The following DPY19L3 variants were observed in gnomAD, a reference collection of about 807,000 sequenced individuals.
DPY19L3 encodes the protein protein C-mannosyl-transferase DPY19L3.
Under a neutral mutation model 92.3 loss-of-function variants are expected in DPY19L3, and 51 were observed. That is an observed-to-expected ratio of 0.55 (90% CI 0.44 to 0.70). DPY19L3 has a LOEUF of 0.70. Among genes scored for constraint, DPY19L3 ranks in the 30% least tolerant of loss-of-function variants. The pLI is 0.00. For synonymous variants in DPY19L3, 309 were observed against 315.2 expected, an observed-to-expected ratio of 0.98 and a Z score of 0.21; for missense variants, 706 against 855.9, an observed-to-expected ratio of 0.82 and a Z score of 2.18.
chr19:32,417,366 CTG>C (rs1968413340), intron 3 of DPY19L3, among the ~76,000 whole-genome samples: 2 of 152,236 alleles, frequency 1.3e-5, no homozygotes, highest in East Asian at 1.9e-4. Context: ...GTCGTCCAGA[CTG>C]GAGTGCAGTG....
At position 32,420,358 on chromosome 19, in the gene DPY19L3, T is replaced by C. The variant is rs546775480; in HGVS notation, c.237+8986T>C. Among the ~76,000 whole-genome samples the C allele has an allele frequency of 6.6e-5, 10 of 152,250 alleles. No homozygotes were observed. In the East Asian group the frequency reaches 9.6e-4, roughly 15 times the overall value. Reference sequence around the variant, plus strand: ...AACCAAAGGACATGACTTCCGGAGCTTGCCTTCAAGGATACGATATGGTTA... The same window carrying C: ...AACCAAAGGACATGACTTCCGGAGCCTGCCTTCAAGGATACGATATGGTTA... On this transcript the variant is annotated intron_variant, in intron 3 of 18. Coordinates refer to ENST00000392250, the MANE Select transcript of DPY19L3 (RefSeq NM_001172774.2).
At chr19:32,438,124 A>T (rs939215280) in intron 6 of DPY19L3, among the ~76,000 whole-genome samples, 10 of 152,166 alleles carry the variant, frequency 6.6e-5, no homozygotes, top group African/African-American at 1.2e-4. Context: ...ATCACATTTT[A>T]AAAAAATGTA....
intron 3 of DPY19L3, among the ~76,000 whole-genome samples, chr19:32,424,413 A>G (rs984971065): frequency 2.0e-5 from 3 of 151,624 alleles, no homozygotes; most frequent in African/African-American, 7.3e-5. Flanking sequence ...TTGATTTAAA[A>G]CTGATAAGAC....
At chr19:32,443,566 G>GAATCAAT (rs780420874) in intron 8 of DPY19L3, among the ~76,000 whole-genome samples, 238 of 152,282 alleles carry the variant, frequency 1.6e-3, no homozygotes, top group Non-Finnish European at 2.4e-3. Flanking sequence ...CACTGAATCT[G>GAATCAAT]CCAGTTCCTT....
At chr19:32,406,537 A>G (rs1967956324) in intron 1 of DPY19L3, among the ~76,000 whole-genome samples, 2 of 151,684 alleles carry the variant, frequency 1.3e-5, no homozygotes, top group African/African-American at 4.8e-5. Flanking sequence ...TTTATTGTAT[A>G]GATAGGGTCT....
Position 32,464,729 on chromosome 19 carries a change from T to G in DPY19L3, c.1559T>G (p.Ile520Arg), listed in dbSNP as rs1439778772. ...KSVHLYNPKR[I>R]CIMRYSVPIL... ...CTAAATAATGTCTTTCTTATATAGA[T>G]ATGTATAATGCGATATTCAGTACCG... The change falls in exon 15 of 19, where the codon ATA becomes AGA. Residue 520 changes from isoleucine to arginine, a missense_variant and splice_region_variant. Ile to Arg is a moderately conservative substitution (Grantham distance 97). Coordinates refer to ENST00000392250, the MANE Select transcript of DPY19L3 (RefSeq NM_001172774.2). 6.8e-7 allele frequency: 1 copy of G among 1,464,738 alleles called. No individual in the cohort carries two copies. Among genetic ancestry groups the G allele is most frequent in the South Asian group, 1.3e-5 (1 of 79,324 alleles). 90.7% of individuals were successfully genotyped at this position (1,464,738 alleles called of 1,614,324 possible).
At chr19:32,464,818 G>A (rs1453856430) in intron 15 of DPY19L3, 34 bp downstream of exon 15, 2 of 1,366,994 alleles carry the variant, frequency 1.5e-6, no homozygotes, top group Middle Eastern at 1.9e-4. Flanking sequence ...TGTCATTCAT[G>A]TATTTAGCAG....
chr19:32,463,138 C>T (rs1216340016), intron 12 of DPY19L3, among the ~76,000 whole-genome samples: 1 of 150,738 alleles, frequency 6.6e-6, no homozygotes, highest in African/African-American at 2.4e-5. Flanking sequence ...TAAATTTTTA[C>T]TTCAAAGCTG....
rs1377377940 is a variant in DPY19L3, at chr19:32,458,375, G to C, written c.1188G>C (p.Leu396=). The C allele has an allele frequency of 6.2e-7, 1 of 1,613,064 alleles. No homozygotes were observed. Among genetic ancestry groups the C allele is most frequent in the South Asian group, 1.1e-5 (1 of 90,814 alleles). Residue 396 remains leucine, a synonymous_variant, in exon 12 of 19, where the codon CTG becomes CTC. Coordinates refer to ENST00000392250, the MANE Select transcript of DPY19L3 (RefSeq NM_001172774.2). Reference sequence around the variant, plus strand: ...GGGATTTTGATGCAAATCTCTATCTGTGTGAAGAAGCTTTTGGCCTCCTGC... The same window carrying C: ...GGGATTTTGATGCAAATCTCTATCTCTGTGAAGAAGCTTTTGGCCTCCTGC... ...ATRDFDANLY[L]CEEAFGLLPF... is the part of the protein sequence containing the mutation.
At chr19:32,455,397 C>T (rs767780126) in intron 10 of DPY19L3, among the ~76,000 whole-genome samples, 30 of 152,150 alleles carry the variant, frequency 2.0e-4, no homozygotes, top group Non-Finnish European at 2.8e-4. Context: ...TGATTTTAGT[C>T]ATTAATTTCT....
chr19:32,435,350 G>A (rs553833177), intron 4 of DPY19L3, among the ~76,000 whole-genome samples: 1 of 152,340 alleles, frequency 6.6e-6, no homozygotes, highest in African/African-American at 2.4e-5. Context: ...TCAGTCCACA[G>A]CACCTCCTAT....
At chr19:32,419,957 T>A (rs747143887) in intron 3 of DPY19L3, among the ~76,000 whole-genome samples, 9 of 151,152 alleles carry the variant, frequency 6.0e-5, no homozygotes, top group Non-Finnish European at 8.8e-5. Context: ...CATCCCAGAT[T>A]CACACGGTTC....
intron 3 of DPY19L3, among the ~76,000 whole-genome samples, chr19:32,427,654 TC>T (rs1390708404): frequency 6.6e-6 from 1 of 152,186 alleles, no homozygotes; most frequent in East Asian, 1.9e-4. Context: ...CAGACTGCCC[TC>T]CTCACAAGCC....
chr19:32,407,609 C>T (rs1032938075), intron 1 of DPY19L3, among the ~76,000 whole-genome samples: 10 of 152,082 alleles, frequency 6.6e-5, no homozygotes, highest in East Asian at 1.9e-4. Flanking sequence ...GAAGATCAGC[C>T]GGAACTGGAA....
At chr19:32,453,351 A>G in intron 9 of DPY19L3, 75 bp downstream of exon 9, 1 of 1,429,418 alleles carries the variant, frequency 7.0e-7, no homozygotes, top group Non-Finnish European at 9.4e-7. Flanking sequence ...TTATTTTCAC[A>G]CAGCATACAA....
At chr19:32,447,775 A>ATTGATTGATT (rs1568343916) in intron 8 of DPY19L3, among the ~76,000 whole-genome samples, 1 of 126,942 alleles carries the variant, frequency 7.9e-6, no homozygotes, top group African/African-American at 3.1e-5. Flanking sequence ...ATAGATAGAT[A>ATTGATTGATT]GATTAGATAA....
At chr19:32,448,773 G>C (rs934333872) in intron 8 of DPY19L3, among the ~76,000 whole-genome samples, 8 of 152,022 alleles carry the variant, frequency 5.3e-5, no homozygotes, top group Admixed American at 3.9e-4. Context: ...GTTGTTTAGG[G>C]GTCAACTATA....
At chr19:32,406,147 T>A (rs1160308870) in intron 1 of DPY19L3, 1 of 151,390 alleles carries the variant, frequency 6.6e-6, no homozygotes, top group East Asian at 1.9e-4. Flanking sequence ...CGGCTTCTGC[T>A]CGTCGGCCGT....
At position 32,484,747 on chromosome 19, in the gene DPY19L3, C is replaced by T. The variant is rs959768695; in HGVS notation, c.*2507C>T. The T allele has an allele frequency of 1.3e-5, 2 of 152,152 alleles. No homozygotes were observed. Among genetic ancestry groups the T allele is most frequent in the African/African-American group, 4.8e-5 (2 of 41,430 alleles). The allele number at this position is 152,152 out of a possible 1,614,324, so 9.4% of individuals were successfully genotyped here. ...AACTCCTCCATGCAAGTTCTGCTTC[C>T]TCTTATAAGTACACAACTCAGTTAA... On this transcript the variant is annotated 3_prime_UTR_variant, in exon 19 of 19. Coordinates refer to ENST00000392250, the MANE Select transcript of DPY19L3 (RefSeq NM_001172774.2).
Sources: allele counts gnomAD v4.1 joint callset (sites outside exome capture counted in the v4.1 genomes callset), GRCh38; gene constraint gnomAD v4.1.1; transcripts MANE v1.5; gene names NCBI Gene and HGNC (gene_info 2026-07-23, HGNC 2026-07-21).